The following ERBB4 variants were observed in gnomAD, a reference collection of about 807,000 sequenced individuals.
The protein encoded by ERBB4 is receptor tyrosine-protein kinase erbB-4.
A neutral mutation model predicts 158.0 loss-of-function variants in ERBB4; 42 were observed. That is an observed-to-expected ratio of 0.27 (90% CI 0.21 to 0.34). ERBB4 has a LOEUF of 0.34. Ranked by LOEUF, ERBB4 falls within the 10% of genes least tolerant of loss-of-function variation. The pLI, the probability that ERBB4 is intolerant of heterozygous loss-of-function variation, is 1.00. For missense variants in ERBB4, 1,333 were observed against 1,624.1 expected (o/e 0.82, Z 3.08); for synonymous variants, 583 against 558.7 (o/e 1.04, Z -0.61).
At chr2:212,534,674 T>C (rs1692943766) in intron 1 of ERBB4, among the ~76,000 whole-genome samples, 1 of 152,072 alleles carries the variant, frequency 6.6e-6, no homozygotes, top group South Asian at 2.1e-4. Flanking sequence ...TATTAACACA[T>C]GTAAACTCAA....
intron 20 of ERBB4, among the ~76,000 whole-genome samples, chr2:211,513,357 C>CAAAAAAAAAAAAAAAAAA (rs61042785): frequency 2.6e-5 from 1 of 39,204 alleles, no homozygotes; most frequent in Non-Finnish European, 6.1e-5. Flanking sequence ...GACTCCGTCT[C>CAAAAAAAAAAAAAAAAAA]AAAAAAAAAA....
chr2:212,212,045 T>C (rs2082953743), intron 1 of ERBB4, among the ~76,000 whole-genome samples: 1 of 152,084 alleles, frequency 6.6e-6, no homozygotes, highest in Admixed American at 6.6e-5. Context: ...GTCTTTACCT[T>C]TGAATGATTT....
chr2:211,488,974 AT>A (rs2065273137), intron 20 of ERBB4, among the ~76,000 whole-genome samples: 2 of 152,068 alleles, frequency 1.3e-5, no homozygotes, highest in African/African-American at 4.8e-5. Context: ...CTCTAATCAG[AT>A]TGCATTAGAG....
At chr2:212,265,800 A>G (rs1195192079) in intron 1 of ERBB4, among the ~76,000 whole-genome samples, 1 of 152,106 alleles carries the variant, frequency 6.6e-6, no homozygotes, top group African/African-American at 2.4e-5. Flanking sequence ...TTTCTGAATT[A>G]GCTTAAAAGT....
intron 1 of ERBB4, among the ~76,000 whole-genome samples, chr2:212,166,057 AT>A (rs61415649): frequency 3.3e-5 from 5 of 150,740 alleles, no homozygotes; most frequent in Admixed American, 2.0e-4. Context: ...CATCACAATC[AT>A]TTTTTTTTCA....
intron 1 of ERBB4, among the ~76,000 whole-genome samples, chr2:212,431,376 A>T (rs1223844712): frequency 6.7e-6 from 1 of 149,526 alleles, no homozygotes; most frequent in Admixed American, 6.8e-5. Flanking sequence ...ATTTCATATC[A>T]TATCTCTCAG....
At chr2:211,678,960 C>T in intron 13 of ERBB4, 92 bp downstream of exon 13, 1 of 1,065,560 alleles carries the variant, frequency 9.4e-7, no homozygotes, top group Non-Finnish European at 1.3e-6. Context: ...GAGCGAGACT[C>T]CGTCTCAAAA....
intron 1 of ERBB4, among the ~76,000 whole-genome samples, chr2:212,374,809 C>T (rs1281629259): frequency 3.3e-5 from 5 of 151,844 alleles, no homozygotes; most frequent in African/African-American, 1.2e-4. Flanking sequence ...TCTTTAGTCA[C>T]TGATTTACTC....
At chr2:211,715,468 C>G (rs1379724540) in intron 7 of ERBB4, among the ~76,000 whole-genome samples, 1 of 152,184 alleles carries the variant, frequency 6.6e-6, no homozygotes, top group Non-Finnish European at 1.5e-5. Flanking sequence ...AGTAGCCATT[C>G]TTTCTTCAAG....
At chr2:211,568,571 T>C (rs76228860) in intron 19 of ERBB4, among the ~76,000 whole-genome samples, 1,992 of 152,308 alleles carry the variant, frequency 0.013, 42 homozygotes, top group East Asian at 0.038. Context: ...TTTTTAAAAA[T>C]GTTAACTTCA....
chr2:211,850,810 C>G (rs759602682), intron 3 of ERBB4, among the ~76,000 whole-genome samples: 9 of 151,792 alleles, frequency 5.9e-5, no homozygotes, highest in African/African-American at 9.7e-5. Flanking sequence ...TAAGACAGCA[C>G]TATCTAAAAT....
At chr2:212,061,453 CAAAAAAAAAAAAAAAAA>C (rs754237880) in intron 2 of ERBB4, among the ~76,000 whole-genome samples, 18 of 22,810 alleles carry the variant, frequency 7.9e-4, no homozygotes, top group African/African-American at 1.6e-3. Flanking sequence ...ACTCTGTCTC[CAAAAAAAAAAAAAAAAA>C]AAAAAAAAAA....
chr2:211,939,094 G>A (rs188127828), intron 3 of ERBB4, among the ~76,000 whole-genome samples: 7 of 152,234 alleles, frequency 4.6e-5, no homozygotes, highest in Admixed American at 4.6e-4. Context: ...ATATATTCAA[G>A]TATTATATAA....
chr2:212,204,929 C>A (rs866059227), intron 1 of ERBB4, among the ~76,000 whole-genome samples: 1 of 151,100 alleles, frequency 6.6e-6, no homozygotes, highest in African/African-American at 2.4e-5. Context: ...AACGATTCTC[C>A]TGCCTCAGCC....
intron 3 of ERBB4, among the ~76,000 whole-genome samples, chr2:211,914,733 TAAAC>T (rs972034447): frequency 6.6e-6 from 1 of 152,176 alleles, no homozygotes; most frequent in African/African-American, 2.4e-5. Context: ...GCATTTTACC[TAAAC>T]AAATATAAGC....
intron 3 of ERBB4, among the ~76,000 whole-genome samples, chr2:211,841,082 T>C (rs1013955052): frequency 7.2e-5 from 11 of 152,106 alleles, no homozygotes; most frequent in African/African-American, 2.4e-4. Context: ...AATTTGAACA[T>C]TGAAAATTTG....
At chr2:212,057,402 A>C (rs2077613356) in intron 2 of ERBB4, among the ~76,000 whole-genome samples, 1 of 152,186 alleles carries the variant, frequency 6.6e-6, no homozygotes, top group Non-Finnish European at 1.5e-5. Context: ...GTAACCAGGA[A>C]TTGAACTCAG....
chr2:211,752,357 C>G (rs1160702408), intron 4 of ERBB4, among the ~76,000 whole-genome samples: 1 of 151,412 alleles, frequency 6.6e-6, no homozygotes, highest in Admixed American at 6.6e-5. Context: ...TAAATTGATC[C>G]ATTAAGTGGT....
At chr2:212,286,594 CTTTTTTTT>C (rs71054190) in intron 1 of ERBB4, among the ~76,000 whole-genome samples, 1 of 55,540 alleles carries the variant, frequency 1.8e-5, no homozygotes, top group Non-Finnish European at 3.6e-5. Context: ...TAAGTGCTGA[CTTTTTTTT>C]TTTTTTTTTT....
Sources: allele counts gnomAD v4.1 joint callset (sites outside exome capture counted in the v4.1 genomes callset), GRCh38; gene constraint gnomAD v4.1.1; transcripts MANE v1.5; gene names NCBI Gene and HGNC (gene_info 2026-07-23, HGNC 2026-07-21).